The following SLC17A8 variants were observed in gnomAD, a reference collection of about 807,000 sequenced individuals.
SLC17A8 encodes the protein solute carrier family 17 member 8.
In SLC17A8, 31 loss-of-function variants were observed where a neutral mutation model predicts 58.0. The observed-to-expected ratio is 0.53, with a 90% CI of 0.40 to 0.72. SLC17A8 has a LOEUF of 0.72. Ranked by LOEUF, SLC17A8 falls within the 30% of genes least tolerant of loss-of-function variation. The probability of loss-of-function intolerance (pLI) is 0.00; values close to 1 mark genes in which losing one functional copy is unlikely to be tolerated. For missense variants in SLC17A8, 655 were observed against 727.8 expected, an observed-to-expected ratio of 0.90 and a Z score of 1.15; for synonymous variants, 228 against 249.0, an observed-to-expected ratio of 0.92 and a Z score of 0.79.
At chr12:100,367,368 G>A (rs370553089) in intron 1 of SLC17A8, among the ~76,000 whole-genome samples, 1 of 151,998 alleles carries the variant, frequency 6.6e-6, no homozygotes, top group Non-Finnish European at 1.5e-5. Context: ...GTAATTCATC[G>A]CTATGACTGG....
chr12:100,388,423 C>T (rs1952691027), intron 2 of SLC17A8, among the ~76,000 whole-genome samples: 1 of 152,204 alleles, frequency 6.6e-6, no homozygotes, highest in South Asian at 2.1e-4. Context: ...GTGCATAGAA[C>T]TATGCGTGTT....
At position 100,419,836 on chromosome 12, in the gene SLC17A8, G is replaced by C. The variant is rs1453716197; in HGVS notation, c.1447G>C (p.Val483Leu). 3 of 1,613,798 alleles carry C rather than the reference G, an allele frequency of 1.9e-6. No homozygotes were observed. The East Asian group carries it at 6.7e-5, about 36-fold the overall frequency. The change falls in exon 12 of 12, where the codon GTG becomes CTG. Residue 483 changes from valine to leucine, a missense_variant. Coordinates refer to ENST00000323346, the MANE Select transcript of SLC17A8 (RefSeq NM_139319.3). The part of the protein sequence containing the change: ...RHKTREEWQN[V>L]FLIAALVHYS... ...TTAGACCCGTGAAGAATGGCAGAAT[G>C]TGTTCCTCATAGCTGCCCTGGTGCA...
intron 9 of SLC17A8, among the ~76,000 whole-genome samples, chr12:100,406,898 G>T (rs1044325465): frequency 2.0e-5 from 3 of 152,172 alleles, no homozygotes; most frequent in Non-Finnish European, 4.4e-5. Context: ...AGGGAGACCA[G>T]GTAGGAGGTG....
Position 100,380,883 on chromosome 12 carries a change from A to G in SLC17A8, c.284A>G (p.Asn95Ser). Residue 95 changes from asparagine to serine, a missense_variant, in exon 2 of 12, where the codon AAT (asparagine) becomes AGT (serine). Asn to Ser is a conservative substitution (Grantham distance 46). Transcript: ENST00000323346. ...GFCISFGIRCNLGVAIVEMVN... is the reference protein window; with the variant it reads ...GFCISFGIRCSLGVAIVEMVN... ...TGCATTTCCTTTGGGATCCGGTGCAATCTTGGAGTTGCCATTGTGGAAATG... is the reference window on the plus strand; with the variant it reads ...TGCATTTCCTTTGGGATCCGGTGCAGTCTTGGAGTTGCCATTGTGGAAATG... The G allele has an allele frequency of 6.2e-7, 1 of 1,614,102 alleles. No homozygotes were observed.
chr12:100,359,836 C>T (rs986000128), intron 1 of SLC17A8, among the ~76,000 whole-genome samples: 22 of 152,276 alleles, frequency 1.4e-4, no homozygotes, highest in Middle Eastern at 3.4e-3. Context: ...CTGCTTTTCA[C>T]GTAAAACCAG....
Position 100,420,464 on chromosome 12 carries a change from G to A in SLC17A8, c.*305G>A. Reference sequence around the variant, plus strand: ...AGGAGACAATACCATGTTGTTCAAAGAAACATTGAAGGAAATTGGGATGTT... The same window carrying A: ...AGGAGACAATACCATGTTGTTCAAAAAAACATTGAAGGAAATTGGGATGTT... On this transcript the variant is annotated 3_prime_UTR_variant, in exon 12 of 12. Coordinates refer to ENST00000323346, the MANE Select transcript of SLC17A8 (RefSeq NM_139319.3). 3.3e-6 allele frequency: 1 copy of A among 303,190 alleles called. No individual in the cohort carries two copies. Among genetic ancestry groups the A allele is most frequent in the South Asian group, 4.8e-5 (1 of 20,736 alleles). 18.8% of individuals were successfully genotyped at this position (303,190 alleles called of 1,614,324 possible). A position where few individuals can be genotyped will look rare whatever the true frequency, so the allele number is the denominator to read the frequency against.
intron 2 of SLC17A8, among the ~76,000 whole-genome samples, chr12:100,386,091 G>A (rs753651186): frequency 9.2e-5 from 14 of 152,116 alleles, no homozygotes; most frequent in Non-Finnish European, 1.8e-4. Flanking sequence ...GGATAGTCCA[G>A]ATATCTCATT....
Position 100,396,395 on chromosome 12 carries a change from AC to A in SLC17A8, c.655del (p.Leu219TrpfsTer69). 1 of 1,614,060 alleles carries A rather than the reference AC, an allele frequency of 6.2e-7. No homozygotes were observed. Among genetic ancestry groups the A allele is most frequent in the East Asian group, 2.2e-5 (1 of 44,868 alleles). On this transcript the variant is annotated frameshift_variant, in exon 5 of 12. Coordinates refer to ENST00000323346, the MANE Select transcript of SLC17A8 (RefSeq NM_139319.3). LOFTEE classifies it high-confidence loss of function. ...GGGCACCACCTTTGGAGAGAAGCCG[AC>A]TGGCCACAACCTCTTTTTGTGGTGG... ...KWAPPLERSR[L>X]ATTSFCGSYA...
intron 10 of SLC17A8, among the ~76,000 whole-genome samples, chr12:100,414,684 T>C (rs1001283351): frequency 2.0e-5 from 3 of 152,252 alleles, no homozygotes; most frequent in Admixed American, 6.5e-5. Flanking sequence ...GAAATACTTA[T>C]TCAAATAAAA....
intron 1 of SLC17A8, among the ~76,000 whole-genome samples, chr12:100,374,538 G>A (rs993465296): frequency 6.6e-6 from 1 of 152,178 alleles, no homozygotes; most frequent in Admixed American, 6.5e-5. Flanking sequence ...CTTGAACCTG[G>A]GAGGCGGAAG....
At chr12:100,411,460 A>G (rs1446217116) in intron 9 of SLC17A8, among the ~76,000 whole-genome samples, 1 of 152,206 alleles carries the variant, frequency 6.6e-6, no homozygotes, top group East Asian at 1.9e-4. Context: ...AGCCTGGGTG[A>G]TAAGAGCAAG....
Position 100,420,205 on chromosome 12 carries a change from G to T in SLC17A8, c.*46G>T, listed in dbSNP as rs759553682. On this transcript the variant is annotated 3_prime_UTR_variant, in exon 12 of 12. Transcript: ENST00000323346. Reference sequence around the variant, plus strand: ...CTTCTCCTTACTTTAGAAACAGAAAGTATCCATACCTATTGCCTTTCTTGT... The same window carrying T: ...CTTCTCCTTACTTTAGAAACAGAAATTATCCATACCTATTGCCTTTCTTGT... The T allele has an allele frequency of 2.0e-6, 3 of 1,489,918 alleles. No individual in the cohort carries two copies. Among genetic ancestry groups the T allele is most frequent in the African/African-American group, 1.4e-5 (1 of 72,056 alleles). 92.3% of individuals were successfully genotyped at this position (1,489,918 alleles called of 1,614,324 possible).
chr12:100,374,859 C>T (rs949634722), intron 1 of SLC17A8, among the ~76,000 whole-genome samples: 2 of 152,082 alleles, frequency 1.3e-5, no homozygotes, highest in African/African-American at 4.8e-5. Flanking sequence ...AGACCCCTCC[C>T]CACAGCTCCT....
intron 2 of SLC17A8, among the ~76,000 whole-genome samples, chr12:100,383,171 ATGCTGTTT>A (rs1461822803): frequency 2.6e-5 from 4 of 152,220 alleles, no homozygotes; most frequent in African/African-American, 7.2e-5. Context: ...TCAAAATGAG[ATGCTGTTT>A]TGCATTTGTT....
At chr12:100,397,474 A>C (rs115360889) in intron 5 of SLC17A8, among the ~76,000 whole-genome samples, 66 of 152,330 alleles carry the variant, frequency 4.3e-4, no homozygotes, top group African/African-American at 1.5e-3. Flanking sequence ...TAATTCCTGC[A>C]TCTCCAAACT....
At chr12:100,395,930 C>T (rs531714285) in intron 4 of SLC17A8, among the ~76,000 whole-genome samples, 1 of 152,324 alleles carries the variant, frequency 6.6e-6, no homozygotes, top group East Asian at 1.9e-4. Context: ...GTATTTCTTA[C>T]AGTTCTGGAG....
intron 10 of SLC17A8, among the ~76,000 whole-genome samples, chr12:100,416,509 C>T (rs1198545135): frequency 6.8e-6 from 1 of 148,096 alleles, no homozygotes; most frequent in African/African-American, 2.5e-5. Context: ...CAGATTAGAA[C>T]AAAAAAATGT....
chr12:100,357,579 C>A, intron 1 of SLC17A8, 87 bp downstream of exon 1: 1 of 902,122 alleles, frequency 1.1e-6, no homozygotes, highest in Non-Finnish European at 1.8e-6. Flanking sequence ...TTTTTAAAAC[C>A]ACACTTTAAT....
intron 4 of SLC17A8, among the ~76,000 whole-genome samples, chr12:100,394,569 T>C (rs1952739625): frequency 6.6e-6 from 1 of 150,630 alleles, no homozygotes; most frequent in Non-Finnish European, 1.5e-5. Flanking sequence ...ACCCGGCTAA[T>C]TTTTTGTATT....
Sources: gnomAD v4.1 joint callset for allele counts (sites outside exome capture counted in the v4.1 genomes callset) on GRCh38, gnomAD v4.1.1 for gene constraint, MANE v1.5 for transcripts, NCBI Gene and HGNC (gene_info 2026-07-23, HGNC 2026-07-21) for gene names.